Variants in ATXN1 observed in about 807,000 individuals in gnomAD.
ATXN1 encodes ataxin 1, also known as ataxin-1.
A neutral mutation model predicts 56.4 loss-of-function variants in ATXN1; 8 were observed. The observed-to-expected ratio is 0.14, with a 90% CI of 0.08 to 0.26. ATXN1 has a LOEUF of 0.26. ATXN1 is among the 10% of genes least tolerant of loss of function. ATXN1 has a pLI of 1.00. For missense variants in ATXN1, 987 were observed against 1,106.5 expected (o/e 0.89, Z 1.53); for synonymous variants, 514 against 494.6 (o/e 1.04, Z -0.52).
intron 6 of ATXN1, among the ~76,000 whole-genome samples, chr6:16,453,371 G>A (rs904007246): frequency 6.6e-6 from 1 of 152,172 alleles, no homozygotes; most frequent in Non-Finnish European, 1.5e-5. Context: ...TGAGGCAGGA[G>A]AATCGCTTGA....
In ATXN1 at chr6:16,299,379, T is replaced by C. The variant is rs1488736268; in HGVS notation, c.*6950A>G. On this transcript the variant is annotated 3_prime_UTR_variant, in exon 8 of 8. Transcript: ENST00000436367. Reference sequence around the variant, plus strand: ...TATGAATTCTTCCATTTTTTAATATTTGTTTAAAAAAGCTAGTGCAAGTAC... The same window carrying C: ...TATGAATTCTTCCATTTTTTAATATCTGTTTAAAAAAGCTAGTGCAAGTAC... 1 of 152,654 alleles carries C rather than the reference T, an allele frequency of 6.6e-6. No individual in the cohort carries two copies. Among genetic ancestry groups the C allele is most frequent in the Non-Finnish European group, 1.5e-5 (1 of 68,044 alleles). 9.5% of individuals were successfully genotyped at this position (152,654 alleles called of 1,614,324 possible).
At chr6:16,325,175 T>C (rs917167466) in intron 7 of ATXN1, among the ~76,000 whole-genome samples, 1 of 151,748 alleles carries the variant, frequency 6.6e-6, no homozygotes, top group Non-Finnish European at 1.5e-5. Flanking sequence ...TGGAGTGCAG[T>C]GGCCTGATCT....
At chr6:16,682,866 C>A (rs1758841955) in intron 2 of ATXN1, among the ~76,000 whole-genome samples, 1 of 152,104 alleles carries the variant, frequency 6.6e-6, no homozygotes, top group East Asian at 1.9e-4. Context: ...GTCTGTTAAT[C>A]CTCACTTTCC....
At chr6:16,627,222 G>C (rs1763421638) in intron 3 of ATXN1, among the ~76,000 whole-genome samples, 1 of 152,226 alleles carries the variant, frequency 6.6e-6, no homozygotes, top group East Asian at 1.9e-4. Context: ...TTTAAATATA[G>C]AAGTTTAGAT....
In ATXN1 at chr6:16,619,155, T is replaced by C. The variant is rs147373131; in HGVS notation, c.-488-33248A>G. On this transcript the variant is annotated intron_variant, in intron 3 of 7. Transcript: ENST00000436367. Reference sequence around the variant, plus strand: ...TTTTTTTTAATTACAGTACTTAGTGTTGTCCAGAGTGCAGACACATGAACG... The same window carrying C: ...TTTTTTTTAATTACAGTACTTAGTGCTGTCCAGAGTGCAGACACATGAACG... 4.5e-3 allele frequency among the ~76,000 whole-genome samples: 683 copies of C among 152,210 alleles called. 7 individuals carry two copies. Among genetic ancestry groups the C allele is most frequent in the African/African-American group, 0.015 (634 of 41,532 alleles).
At position 16,425,847 on chromosome 6, in the gene ATXN1, T is replaced by A. The variant is rs550265399; in HGVS notation, c.-161+60125A>T. ...ACGGCTGCAATATCAGGGTCAGTGT[T>A]CCACATCCCGTAGCAGATGACCCTC... is the stretch of plus-strand genomic sequence containing the variant. On this transcript the variant is annotated intron_variant, in intron 6 of 7. Transcript: ENST00000436367. Among the ~76,000 whole-genome samples the A allele has an allele frequency of 2.0e-5, 3 of 152,246 alleles. No individual in the cohort carries two copies. The East Asian group carries it at 5.8e-4, about 29-fold the overall frequency.
intron 2 of ATXN1, chr6:16,739,994 G>A: frequency 4.7e-6 from 2 of 421,672 alleles, no homozygotes; most frequent in Non-Finnish European, 9.8e-6. Flanking sequence ...CTTGACTCCT[G>A]GGGGAAAAGC....
intron 3 of ATXN1, among the ~76,000 whole-genome samples, chr6:16,641,645 T>C (rs1053039601): frequency 1.3e-5 from 2 of 152,236 alleles, no homozygotes; most frequent in Non-Finnish European, 2.9e-5. Context: ...TACAAGGAGA[T>C]TCATGTCGTT....
At chr6:16,525,841 C>CA (rs938918475) in intron 4 of ATXN1, among the ~76,000 whole-genome samples, 2 of 150,854 alleles carry the variant, frequency 1.3e-5, no homozygotes, top group African/African-American at 4.9e-5. Context: ...ACTATGCAGT[C>CA]AAAAAAAGTG....
intron 3 of ATXN1, among the ~76,000 whole-genome samples, chr6:16,637,965 G>C (rs967743223): frequency 6.6e-6 from 1 of 152,178 alleles, no homozygotes; most frequent in African/African-American, 2.4e-5. Context: ...TAATTTGTGG[G>C]CTAGCAGATT....
At chr6:16,552,683 G>A (rs539646508) in intron 4 of ATXN1, among the ~76,000 whole-genome samples, 4 of 152,298 alleles carry the variant, frequency 2.6e-5, no homozygotes, top group East Asian at 1.9e-4. Flanking sequence ...ATCTATCTTC[G>A]CTGTGACAGA....
chr6:16,625,052 T>G (rs926821765), intron 3 of ATXN1, among the ~76,000 whole-genome samples: 10 of 152,234 alleles, frequency 6.6e-5, no homozygotes, highest in African/African-American at 2.4e-4. Context: ...CAACGATTAC[T>G]GGGAATGGAA....
At chr6:16,394,506 TC>T (rs753340329) in intron 6 of ATXN1, among the ~76,000 whole-genome samples, 21 of 152,224 alleles carry the variant, frequency 1.4e-4, no homozygotes, top group Admixed American at 3.9e-4. Flanking sequence ...AATGATCAAT[TC>T]ACGGTAATTA....
At chr6:16,417,441 A>AT (rs1188606545) in intron 6 of ATXN1, among the ~76,000 whole-genome samples, 1,808 of 136,346 alleles carry the variant, frequency 0.013, 62 homozygotes, top group African/African-American at 0.043. Context: ...CAAGTTTCTT[A>AT]TTTTTTTTTT....
chr6:16,729,480 G>A (rs1174058965), intron 2 of ATXN1, among the ~76,000 whole-genome samples: 1 of 152,172 alleles, frequency 6.6e-6, no homozygotes, highest in African/African-American at 2.4e-5. Flanking sequence ...GTCAAGCTCT[G>A]AATAACATTC....
At chr6:16,561,921 C>T (rs778470303) in intron 4 of ATXN1, among the ~76,000 whole-genome samples, 1 of 152,006 alleles carries the variant, frequency 6.6e-6, no homozygotes, top group Non-Finnish European at 1.5e-5. Flanking sequence ...TCCCTCAGGA[C>T]CTGGAAGATG....
At chr6:16,499,441 C>T (rs943414569) in intron 5 of ATXN1, among the ~76,000 whole-genome samples, 4 of 152,182 alleles carry the variant, frequency 2.6e-5, no homozygotes, top group African/African-American at 9.7e-5. Flanking sequence ...AGCAAGTTTT[C>T]ATGAATGATG....
At chr6:16,570,423 T>C (rs550561943) in intron 4 of ATXN1, among the ~76,000 whole-genome samples, 1 of 152,254 alleles carries the variant, frequency 6.6e-6, no homozygotes, top group East Asian at 1.9e-4. Flanking sequence ...TAATTCAGAA[T>C]TTTTTTATTG....
rs1377013318 is a variant in ATXN1, at chr6:16,299,289, A to G, written c.*7040T>C. The G allele has an allele frequency of 1.3e-5, 2 of 152,670 alleles. No homozygotes were observed. Among genetic ancestry groups the G allele is most frequent in the African/African-American group, 4.8e-5 (2 of 41,460 alleles). 9.5% of individuals were successfully genotyped at this position (152,670 alleles called of 1,614,324 possible). A position where few individuals can be genotyped will look rare whatever the true frequency, so the allele number is the denominator to read the frequency against. On this transcript the variant is annotated 3_prime_UTR_variant, in exon 8 of 8. Coordinates refer to ENST00000436367, the MANE Select transcript of ATXN1 (RefSeq NM_001128164.2). ...GCAAGCACCATCAAAGAAAGGGACC[A>G]TAAAATTCAATAAACAGACTCGAGT...
Sources: allele counts gnomAD v4.1 joint callset (sites outside exome capture counted in the v4.1 genomes callset), GRCh38; gene constraint gnomAD v4.1.1; transcripts MANE v1.5; gene names NCBI Gene and HGNC (gene_info 2026-07-23, HGNC 2026-07-21).